The following PBX3 variants were observed in gnomAD, a reference collection of about 807,000 sequenced individuals.
PBX3 encodes pre-B-cell leukemia transcription factor 3.
In PBX3, 14 loss-of-function variants were observed where a neutral mutation model predicts 48.5. That is an observed-to-expected ratio of 0.29 (90% CI 0.19 to 0.45). PBX3 has a LOEUF of 0.45. Among genes scored for constraint, PBX3 ranks in the 20% least tolerant of loss-of-function variants. The pLI is 1.00. For missense variants in PBX3, 386 were observed against 546.7 expected, an observed-to-expected ratio of 0.71 and a Z score of 2.93; for synonymous variants, 210 against 200.3, an observed-to-expected ratio of 1.05 and a Z score of -0.41.
At chr9:125,887,760 T>C (rs1169080204) in intron 2 of PBX3, among the ~76,000 whole-genome samples, 1 of 152,190 alleles carries the variant, frequency 6.6e-6, no homozygotes, top group African/African-American at 2.4e-5. Flanking sequence ...AGTTCCAGAA[T>C]TAGAAAGCTA....
At chr9:125,843,008 C>T (rs778782537) in intron 2 of PBX3, among the ~76,000 whole-genome samples, 1 of 152,026 alleles carries the variant, frequency 6.6e-6, no homozygotes. Context: ...TTGGTTTTCA[C>T]GATAAAGAAA....
intron 2 of PBX3, among the ~76,000 whole-genome samples, chr9:125,888,433 T>C (rs1456861321): frequency 6.6e-6 from 1 of 152,196 alleles, no homozygotes; most frequent in Non-Finnish European, 1.5e-5. Context: ...TATGGAGGAA[T>C]TCCTTGAGAA....
chr9:125,758,489 G>A (rs778363934), intron 2 of PBX3, among the ~76,000 whole-genome samples: 15 of 152,064 alleles, frequency 9.9e-5, no homozygotes, highest in Admixed American at 2.0e-4. Context: ...GATGACTGAT[G>A]TTCAGTGAGT....
At chr9:125,833,591 G>T (rs1260208425) in intron 2 of PBX3, among the ~76,000 whole-genome samples, 1 of 152,132 alleles carries the variant, frequency 6.6e-6, no homozygotes, top group Non-Finnish European at 1.5e-5. Flanking sequence ...TAAAACTTGA[G>T]GATTAACCTA....
chr9:125,752,061 T>TG, intron 2 of PBX3, among the ~76,000 whole-genome samples: 1 of 152,166 alleles, frequency 6.6e-6, no homozygotes, highest in Non-Finnish European at 1.5e-5. Context: ...ATGTTATGCA[T>TG]GAAAAAAAAT....
intron 2 of PBX3, among the ~76,000 whole-genome samples, chr9:125,801,822 C>CACACACACACACAT (rs1366536033): frequency 9.2e-5 from 14 of 151,502 alleles, no homozygotes; most frequent in African/African-American, 3.4e-4. Context: ...CACACACACA[C>CACACACACACACAT]ACATATTCTT....
intron 2 of PBX3, among the ~76,000 whole-genome samples, chr9:125,899,452 TATAGAGAGAGAGAGAGAGAG>T (rs1312569363): frequency 3.4e-5 from 3 of 89,068 alleles, no homozygotes; most frequent in African/African-American, 1.2e-4. Flanking sequence ...TATATATATA[TATAGAGAGAGAGAGAGAGAG>T]AGAGAGAGAG....
At position 125,935,502 on chromosome 9, in the gene PBX3, C is replaced by T. The variant is rs769232810; in HGVS notation, c.738C>T (p.Ala246=). Residue 246 remains alanine (A), a synonymous_variant, in exon 5 of 9, where the codon GCC becomes GCT. Transcript: ENST00000373489. ...RRKRRNFSKQ[A]TEILNEYFYS... Reference sequence around the variant, plus strand: ...AAAGGCGTAACTTCAGTAAACAGGCCACAGAAATCTTGAATGAATATTTTT... The same window carrying T: ...AAAGGCGTAACTTCAGTAAACAGGCTACAGAAATCTTGAATGAATATTTTT... The T allele has an allele frequency of 5.6e-6, 9 of 1,613,482 alleles. No homozygotes were observed. In the Admixed American group the frequency reaches 1.2e-4, roughly 21 times the overall value.
At chr9:125,785,843 G>A (rs536886220) in intron 2 of PBX3, among the ~76,000 whole-genome samples, 1 of 152,236 alleles carries the variant, frequency 6.6e-6, no homozygotes, top group East Asian at 1.9e-4. Context: ...AAATTCAGGC[G>A]GCTGACTTTG....
intron 2 of PBX3, among the ~76,000 whole-genome samples, chr9:125,750,758 C>T (rs1218721097): frequency 1.3e-5 from 2 of 152,178 alleles, no homozygotes; most frequent in Non-Finnish European, 2.9e-5. Context: ...AGAGTAAAGG[C>T]GGCTGTCTGG....
intron 2 of PBX3, among the ~76,000 whole-genome samples, chr9:125,765,626 A>G (rs1361978772): frequency 6.6e-6 from 1 of 152,130 alleles, no homozygotes; most frequent in Non-Finnish European, 1.5e-5. Context: ...TTAGTGTATT[A>G]TTTATATTGC....
At chr9:125,949,370 G>T in intron 5 of PBX3, 1 of 1,550,604 alleles carries the variant, frequency 6.4e-7, no homozygotes, top group Non-Finnish European at 8.7e-7. Flanking sequence ...TTCTTGCCGG[G>T]CATACAGAGT....
chr9:125,949,548 C>A, intron 5 of PBX3: 1 of 1,337,178 alleles, frequency 7.5e-7, no homozygotes, highest in Non-Finnish European at 9.7e-7. Flanking sequence ...ATATAGTATT[C>A]TTTACTCCAA....
intron 2 of PBX3, among the ~76,000 whole-genome samples, chr9:125,839,885 C>G (rs368837769): frequency 6.6e-6 from 1 of 152,100 alleles, no homozygotes; most frequent in East Asian, 1.9e-4. Flanking sequence ...TATGTATACT[C>G]TATTTTGAAG....
chr9:125,781,799 A>G (rs1400669470), intron 2 of PBX3, among the ~76,000 whole-genome samples: 1 of 150,672 alleles, frequency 6.6e-6, no homozygotes, highest in Non-Finnish European at 1.5e-5. Flanking sequence ...TATTGATTTG[A>G]GATCTTTTTT....
chr9:125,949,104 T>C (rs940096351), intron 5 of PBX3, among the ~76,000 whole-genome samples: 1 of 152,216 alleles, frequency 6.6e-6, no homozygotes, highest in African/African-American at 2.4e-5. Flanking sequence ...ACTGGTACTT[T>C]AACTTCAGAT....
At chr9:125,777,318 T>G (rs1837100732) in intron 2 of PBX3, among the ~76,000 whole-genome samples, 1 of 151,642 alleles carries the variant, frequency 6.6e-6, no homozygotes, top group African/African-American at 2.4e-5. Flanking sequence ...CAGCCTCTTC[T>G]TTTTAAGAGT....
intron 2 of PBX3, among the ~76,000 whole-genome samples, chr9:125,855,643 G>A (rs887773872): frequency 3.3e-5 from 5 of 152,046 alleles, no homozygotes; most frequent in African/African-American, 1.2e-4. Context: ...TAAGTGTGTG[G>A]GTTTTGTTGT....
chr9:125,748,244 C>T, intron 1 of PBX3: 1 of 1,045,436 alleles, frequency 9.6e-7, no homozygotes, highest in Non-Finnish European at 1.2e-6. Context: ...CCCGTCCCCT[C>T]CCCCGGGTCG....
Sources: gnomAD v4.1 joint callset for allele counts (sites outside exome capture counted in the v4.1 genomes callset) on GRCh38, gnomAD v4.1.1 for gene constraint, MANE v1.5 for transcripts, NCBI Gene and HGNC (gene_info 2026-07-23, HGNC 2026-07-21) for gene names.